Variants in MTUS2 observed in about 807,000 individuals in gnomAD.
MTUS2 encodes microtubule associated scaffold protein 2, also known as microtubule-associated tumor suppressor candidate 2.
In MTUS2, 40 loss-of-function variants were observed where a neutral mutation model predicts 114.1. The observed-to-expected ratio is 0.35, with a 90% CI of 0.27 to 0.46. MTUS2 has a LOEUF of 0.46. MTUS2 is among the 20% of genes least tolerant of loss of function. MTUS2 has a pLI of 1.00. For missense variants in MTUS2, 1,679 were observed against 1,705.4 expected, an observed-to-expected ratio of 0.98 and a Z score of 0.27; for synonymous variants, 688 against 672.0, an observed-to-expected ratio of 1.02 and a Z score of -0.37.
chr13:29,436,854 A>G (rs1220423045), intron 8 of MTUS2, among the ~76,000 whole-genome samples: 2 of 136,664 alleles, frequency 1.5e-5, no homozygotes, highest in African/African-American at 5.5e-5. Flanking sequence ...CTTGGTTTCC[A>G]TCAATCTTAT....
intron 5 of MTUS2, among the ~76,000 whole-genome samples, chr13:29,259,436 C>T (rs1375491680): frequency 6.6e-6 from 1 of 152,216 alleles, no homozygotes; most frequent in East Asian, 1.9e-4. Context: ...CCACCTGTCT[C>T]TTCCCTGCTT....
intron 2 of MTUS2, among the ~76,000 whole-genome samples, chr13:28,855,163 G>A (rs772994418): frequency 2.6e-5 from 4 of 151,858 alleles, no homozygotes; most frequent in Non-Finnish European, 4.4e-5. Flanking sequence ...ATGCCGATAC[G>A]AATTGTGCTT....
intron 2 of MTUS2, among the ~76,000 whole-genome samples, chr13:28,932,611 C>T (rs1056590031): frequency 4.6e-5 from 7 of 152,124 alleles, no homozygotes; most frequent in South Asian, 2.1e-4. Context: ...GGGTGAGAAA[C>T]GGGACAGACC....
At chr13:28,906,201 T>A (rs1879999563) in intron 2 of MTUS2, among the ~76,000 whole-genome samples, 1 of 151,388 alleles carries the variant, frequency 6.6e-6, no homozygotes, top group African/African-American at 2.4e-5. Context: ...TTTTCAAAAA[T>A]CCAGCTCCTG....
intron 8 of MTUS2, among the ~76,000 whole-genome samples, chr13:29,414,767 A>G (rs1195201017): frequency 6.6e-6 from 1 of 151,872 alleles, no homozygotes; most frequent in Non-Finnish European, 1.5e-5. Flanking sequence ...AAGTAAGTCT[A>G]CTGGTTTTCT....
chr13:29,392,418 G>A (rs977264921), intron 8 of MTUS2, among the ~76,000 whole-genome samples: 4 of 152,116 alleles, frequency 2.6e-5, no homozygotes, highest in Non-Finnish European at 5.9e-5. Flanking sequence ...TTTGGGATCT[G>A]TGCAGAGTGC....
chr13:29,165,732 T>C (rs912544086), intron 5 of MTUS2, among the ~76,000 whole-genome samples: 3 of 152,246 alleles, frequency 2.0e-5, no homozygotes, highest in African/African-American at 7.2e-5. Flanking sequence ...AATGCAACAT[T>C]AACATGTCCA....
At chr13:29,096,098 A>T (rs538202431) in intron 4 of MTUS2, among the ~76,000 whole-genome samples, 1 of 152,106 alleles carries the variant, frequency 6.6e-6, no homozygotes, top group South Asian at 2.1e-4. Flanking sequence ...TTGACTACTA[A>T]TTATCTCTCT....
intron 2 of MTUS2, among the ~76,000 whole-genome samples, chr13:28,958,437 G>A (rs976631109): frequency 1.2e-4 from 18 of 152,208 alleles, no homozygotes; most frequent in Non-Finnish European, 4.4e-5. Flanking sequence ...GAAAATATAA[G>A]TAAGCCTAAA....
chr13:29,331,985 G>A lies in MTUS2; in HGVS notation c.2905+7274G>A, dbSNP rs181195115. ...CCAGTATTTTATTGAGGATTTTCTC[G>A]TTAATGTTCATCAGGGATATTGGCC... On this transcript the variant is annotated intron_variant, in intron 7 of 15. Transcript: ENST00000612955. Among the ~76,000 whole-genome samples, 313 of 152,164 alleles carry A rather than the reference G, an allele frequency of 2.1e-3. 1 individual carries two copies. Among genetic ancestry groups the A allele is most frequent in the South Asian group, 0.011 (52 of 4,822 alleles).
intron 5 of MTUS2, among the ~76,000 whole-genome samples, chr13:29,178,645 C>A (rs1383798357): frequency 1.3e-5 from 2 of 148,774 alleles, no homozygotes; most frequent in African/African-American, 5.2e-5. Context: ...CAAAATCACT[C>A]CCAGTTGAGA....
chr13:29,249,615 GAAGTGTCTC>G (rs1897053635), intron 5 of MTUS2, among the ~76,000 whole-genome samples: 1 of 152,106 alleles, frequency 6.6e-6, no homozygotes, highest in African/African-American at 2.4e-5. Flanking sequence ...CTTCTTTTGA[GAAGTGTCTC>G]ATCATGTCCT....
At position 29,281,846 on chromosome 13, in the gene MTUS2, A is replaced by C. The variant is rs1358136351; in HGVS notation, c.2787A>C (p.Lys929Asn). 1.2e-6 allele frequency: 2 copies of C among 1,601,764 alleles called. No homozygotes were observed. The highest frequency in any genetic ancestry group is 1.7e-6 in the Non-Finnish European group (2 of 1,171,952). The part of the protein sequence containing the change: ...APRRSLLPAP[K>N]STSTPAGTKK... ...GCAGGAGTTTACTTCCAGCGCCAAA[A>C]TCCACTTCCACACCCGCTGGTAAGA... Residue 929 changes from lysine (K) to asparagine (N), a missense_variant, in exon 6 of 16, where the codon AAA becomes AAC. Transcript: ENST00000612955.
At chr13:29,223,202 G>A (rs1895976141) in intron 5 of MTUS2, among the ~76,000 whole-genome samples, 1 of 152,248 alleles carries the variant, frequency 6.6e-6, no homozygotes, top group East Asian at 1.9e-4. Context: ...AGAACTTACG[G>A]TGCTTTCTTT....
chr13:28,931,852 C>T (rs1303719760), intron 2 of MTUS2, among the ~76,000 whole-genome samples: 5 of 152,104 alleles, frequency 3.3e-5, no homozygotes, highest in Admixed American at 6.6e-5. Context: ...CAACAGTCCC[C>T]GTTGTGTGAT....
chr13:29,033,204 C>T (rs1325843571), intron 3 of MTUS2, among the ~76,000 whole-genome samples: 1 of 152,132 alleles, frequency 6.6e-6, no homozygotes, highest in Non-Finnish European at 1.5e-5. Flanking sequence ...TGAGATTGTG[C>T]CCTAGAACTT....
chr13:29,310,286 A>G (rs9508344), intron 6 of MTUS2, among the ~76,000 whole-genome samples: 31,847 of 152,182 alleles, frequency 0.21, 3,461 homozygotes, highest in Non-Finnish European at 0.23. Context: ...CTAAGGACAC[A>G]GTAAAGCTGA....
intron 2 of MTUS2, among the ~76,000 whole-genome samples, chr13:29,016,555 G>A (rs1292328146): frequency 6.6e-6 from 1 of 151,962 alleles, no homozygotes; most frequent in Non-Finnish European, 1.5e-5. Flanking sequence ...GGAAATAGCA[G>A]CATATATCAT....
chr13:28,894,339 A>G, intron 2 of MTUS2, among the ~76,000 whole-genome samples: 1 of 92,188 alleles, frequency 1.1e-5, no homozygotes, highest in Non-Finnish European at 2.1e-5. Context: ...GGAGAGAGAG[A>G]GAGAGAGAGA....
Sources: allele counts gnomAD v4.1 joint callset (sites outside exome capture counted in the v4.1 genomes callset), GRCh38; gene constraint gnomAD v4.1.1; transcripts MANE v1.5; gene names NCBI Gene and HGNC (gene_info 2026-07-23, HGNC 2026-07-21).